PDE4B: variants seen among roughly 807,000 people sequenced by gnomAD.
The protein encoded by PDE4B is 3',5'-cyclic-AMP phosphodiesterase 4B.
A neutral mutation model predicts 82.2 loss-of-function variants in PDE4B; 20 were observed. The observed-to-expected ratio is 0.24, with a 90% confidence interval of 0.17 to 0.35. PDE4B has a LOEUF of 0.35. Ranked by LOEUF, PDE4B falls within the 10% of genes least tolerant of loss-of-function variation. PDE4B has a pLI of 1.00. For synonymous variants in PDE4B, 320 were observed against 318.9 expected (o/e 1.00, Z -0.04); for missense variants, 655 against 907.2 (o/e 0.72, Z 3.57).
chr1:66,145,096 T>C (rs1028426636), intron 3 of PDE4B, among the ~76,000 whole-genome samples: 9 of 152,172 alleles, frequency 5.9e-5, no homozygotes, highest in African/African-American at 1.9e-4. Context: ...AAAACAAACA[T>C]TTAATATCAG....
intron 3 of PDE4B, among the ~76,000 whole-genome samples, chr1:65,947,452 G>T (rs1648770579): frequency 6.6e-6 from 1 of 152,034 alleles, no homozygotes; most frequent in African/African-American, 2.4e-5. Context: ...ACTAATTTTT[G>T]CCATTTCCTT....
chr1:66,199,888 G>A (rs1005628995), intron 3 of PDE4B, among the ~76,000 whole-genome samples: 1 of 152,262 alleles, frequency 6.6e-6, no homozygotes, highest in Non-Finnish European at 1.5e-5. Context: ...TGTTGCCATT[G>A]CTTTTGGTGT....
chr1:66,313,658 A>C (rs1658824521), intron 7 of PDE4B, among the ~76,000 whole-genome samples: 2 of 152,224 alleles, frequency 1.3e-5, no homozygotes. Context: ...CAAAACATTT[A>C]TCACTCATAG....
chr1:65,976,059 G>A (rs553190599), intron 3 of PDE4B, among the ~76,000 whole-genome samples: 3 of 152,188 alleles, frequency 2.0e-5, no homozygotes, highest in African/African-American at 7.2e-5. Flanking sequence ...TAGATCCATC[G>A]ACAGCTTGCA....
At chr1:65,949,796 C>G (rs756519746) in intron 3 of PDE4B, among the ~76,000 whole-genome samples, 4 of 151,894 alleles carry the variant, frequency 2.6e-5, no homozygotes, top group African/African-American at 4.8e-5. Flanking sequence ...GTGTGTAGCT[C>G]TGTCTTCCAA....
chr1:66,051,685 ATAGGG>A (rs1655036105), intron 3 of PDE4B, among the ~76,000 whole-genome samples: 1 of 152,080 alleles, frequency 6.6e-6, no homozygotes, highest in African/African-American at 2.4e-5. Flanking sequence ...AACATCTCAA[ATAGGG>A]TTGATATTAT....
At chr1:65,997,983 G>T (rs1651645361) in intron 3 of PDE4B, among the ~76,000 whole-genome samples, 1 of 152,130 alleles carries the variant, frequency 6.6e-6, no homozygotes, top group Non-Finnish European at 1.5e-5. Flanking sequence ...TTTTCTAGGA[G>T]AAAAGTGGGC....
chr1:65,854,421 T>C (rs1646368909), intron 1 of PDE4B, among the ~76,000 whole-genome samples: 2 of 151,792 alleles, frequency 1.3e-5, no homozygotes, highest in Non-Finnish European at 2.9e-5. Context: ...TATCCTATAG[T>C]GCATACCCAC....
chr1:66,115,986 T>C (rs1447822575), intron 3 of PDE4B, among the ~76,000 whole-genome samples: 1 of 152,234 alleles, frequency 6.6e-6, no homozygotes, highest in Non-Finnish European at 1.5e-5. Flanking sequence ...CTATTTCTTT[T>C]ATATTTCTTG....
intron 3 of PDE4B, among the ~76,000 whole-genome samples, chr1:66,095,207 C>CT (rs1372537989): frequency 6.6e-6 from 1 of 151,802 alleles, no homozygotes; most frequent in African/African-American, 2.4e-5. Flanking sequence ...CTAGAAGAGT[C>CT]TTTTTTTAAA....
intron 3 of PDE4B, among the ~76,000 whole-genome samples, chr1:66,208,233 C>T (rs1347178678): frequency 6.6e-6 from 1 of 152,178 alleles, no homozygotes; most frequent in African/African-American, 2.4e-5. Context: ...CCTTGAGAGA[C>T]AGGCACAGGT....
intron 1 of PDE4B, among the ~76,000 whole-genome samples, chr1:65,851,049 G>A (rs963327369): frequency 6.6e-6 from 1 of 152,096 alleles, no homozygotes; most frequent in Non-Finnish European, 1.5e-5. Flanking sequence ...ATGCTCAATT[G>A]TTCTAGCAAC....
chr1:66,203,321 A>T (rs375475433), intron 3 of PDE4B, among the ~76,000 whole-genome samples: 1 of 151,912 alleles, frequency 6.6e-6, no homozygotes, highest in Non-Finnish European at 1.5e-5. Context: ...TGACAATTAT[A>T]TGTCTTGGAG....
At chr1:66,011,223 C>CAA (rs11372306) in intron 3 of PDE4B, among the ~76,000 whole-genome samples, 2,744 of 133,614 alleles carry the variant, frequency 0.021, 49 homozygotes, top group South Asian at 0.023. Context: ...ATTCATCTGC[C>CAA]AAAAAAAAAA....
chr1:66,097,745 T>G (rs540870012), intron 3 of PDE4B, among the ~76,000 whole-genome samples: 2 of 152,114 alleles, frequency 1.3e-5, no homozygotes, highest in East Asian at 3.9e-4. Context: ...ACAAATTCTA[T>G]TATATCTGTT....
At chr1:65,895,560 A>AG (rs1646900526) in intron 1 of PDE4B, among the ~76,000 whole-genome samples, 1 of 151,546 alleles carries the variant, frequency 6.6e-6, no homozygotes, top group Admixed American at 6.6e-5. Flanking sequence ...AAAAAAAAAA[A>AG]AAAAAAAAAA....
chr1:65,965,246 TC>T (rs200321708), intron 3 of PDE4B, among the ~76,000 whole-genome samples: 2 of 151,698 alleles, frequency 1.3e-5, no homozygotes, highest in Admixed American at 1.3e-4. Context: ...AGGCATTTCC[TC>T]CCCCCCCCAT....
At chr1:66,245,064 A>G (rs1653197800) in intron 3 of PDE4B, among the ~76,000 whole-genome samples, 1 of 152,200 alleles carries the variant, frequency 6.6e-6, no homozygotes, top group Non-Finnish European at 1.5e-5. Flanking sequence ...CCCACTTGGC[A>G]CCTGCTCTAA....
chr1:65,796,316 C>G (rs74420324), intron 1 of PDE4B, among the ~76,000 whole-genome samples: 6 of 152,250 alleles, frequency 3.9e-5, no homozygotes, highest in African/African-American at 9.6e-5. Flanking sequence ...TGTTTCAGCC[C>G]CACTCTCTTT....
Sources: gnomAD v4.1 joint callset for allele counts (sites outside exome capture counted in the v4.1 genomes callset) on GRCh38, gnomAD v4.1.1 for gene constraint, MANE v1.5 for transcripts, NCBI Gene and HGNC (gene_info 2026-07-23, HGNC 2026-07-21) for gene names.